The following MERTK variants were observed in gnomAD, a reference collection of about 807,000 sequenced individuals.
MERTK encodes MER proto-oncogene, tyrosine kinase, also known as tyrosine-protein kinase Mer.
A neutral mutation model predicts 99.3 loss-of-function variants in MERTK; 69 were observed. The ratio of observed to expected loss-of-function variants is 0.70; its 90% CI spans 0.57 to 0.85. MERTK has a LOEUF of 0.85. Among genes scored for constraint, MERTK ranks in the 40% least tolerant of loss-of-function variants. The probability of loss-of-function intolerance (pLI) is 0.00; values close to 1 mark genes in which losing one functional copy is unlikely to be tolerated. For missense variants in MERTK, 1,125 were observed against 1,249.4 expected, an observed-to-expected ratio of 0.90 and a Z score of 1.50; for synonymous variants, 426 against 467.6, an observed-to-expected ratio of 0.91 and a Z score of 1.15.
chr2:111,954,739 G>T (rs1464105556), intron 4 of MERTK, among the ~76,000 whole-genome samples: 1 of 152,104 alleles, frequency 6.6e-6, no homozygotes, highest in East Asian at 1.9e-4. Flanking sequence ...TGTCCATTCT[G>T]TAGACCCAAA....
intron 15 of MERTK, among the ~76,000 whole-genome samples, chr2:112,011,358 C>A (rs1030853168): frequency 1.3e-5 from 2 of 152,194 alleles, no homozygotes; most frequent in Non-Finnish European, 2.9e-5. Flanking sequence ...TCCCCTGTAT[C>A]TACAAACCTG....
intron 1 of MERTK, among the ~76,000 whole-genome samples, chr2:111,920,870 G>A (rs932404889): frequency 6.6e-6 from 1 of 152,046 alleles, no homozygotes; most frequent in Non-Finnish European, 1.5e-5. Context: ...TGGCCAGGCT[G>A]GTCTTGAACT....
chr2:111,985,598 C>A (rs1457505585), intron 8 of MERTK, among the ~76,000 whole-genome samples: 1 of 152,186 alleles, frequency 6.6e-6, no homozygotes, highest in East Asian at 1.9e-4. Flanking sequence ...AATGGACTCA[C>A]AGTTCCACAT....
intron 13 of MERTK, among the ~76,000 whole-genome samples, chr2:112,008,113 GT>G (rs1377941771): frequency 6.6e-6 from 1 of 152,038 alleles, no homozygotes; most frequent in Non-Finnish European, 1.5e-5. Flanking sequence ...AGCTCTGTGG[GT>G]TTTGACAAAT....
intron 13 of MERTK, among the ~76,000 whole-genome samples, chr2:112,004,915 G>A (rs1287049533): frequency 6.6e-6 from 1 of 151,980 alleles, no homozygotes; most frequent in Non-Finnish European, 1.5e-5. Flanking sequence ...AAAAAAAAGA[G>A]TCTTAGCCAA....
At chr2:111,974,251 A>T (rs1489746677) in intron 6 of MERTK, among the ~76,000 whole-genome samples, 1 of 148,866 alleles carries the variant, frequency 6.7e-6, no homozygotes, top group East Asian at 2.0e-4. Context: ...AAAAAAAAAA[A>T]AGTTAGCCAG....
chr2:111,943,799 T>G (rs1684906654), intron 2 of MERTK, among the ~76,000 whole-genome samples: 3 of 152,162 alleles, frequency 2.0e-5, no homozygotes, highest in Non-Finnish European at 2.9e-5. Context: ...AGGTGAATAT[T>G]GAAACCATAC....
intron 7 of MERTK, among the ~76,000 whole-genome samples, chr2:111,976,401 G>C (rs79798002): frequency 2.0e-5 from 3 of 151,986 alleles, no homozygotes; most frequent in African/African-American, 7.3e-5. Context: ...AAAGGAGGGC[G>C]GGAAGAGGTC....
At chr2:111,962,528 A>T (rs2104719433) in intron 4 of MERTK, among the ~76,000 whole-genome samples, 1 of 152,192 alleles carries the variant, frequency 6.6e-6, no homozygotes, top group African/African-American at 2.4e-5. Flanking sequence ...AAATTTTAGG[A>T]TTGTTTTAGA....
chr2:112,017,895 G>T (rs1677251077), intron 15 of MERTK, among the ~76,000 whole-genome samples: 1 of 152,182 alleles, frequency 6.6e-6, no homozygotes, highest in East Asian at 1.9e-4. Context: ...GACTTCACCA[G>T]CATGTAATAC....
At chr2:111,937,695 A>G (rs1684788414) in intron 2 of MERTK, among the ~76,000 whole-genome samples, 2 of 151,704 alleles carry the variant, frequency 1.3e-5, no homozygotes, top group Non-Finnish European at 2.9e-5. Context: ...TAAAAATCTA[A>G]TTTCTTTAAC....
chr2:112,004,009 T>C (rs762878076), intron 13 of MERTK, 25 bp downstream of exon 13: 144 of 1,584,860 alleles, frequency 9.1e-5, no homozygotes, highest in Non-Finnish European at 1.2e-4. Flanking sequence ...ATGAATCCCA[T>C]TCTTCTAGGG....
At chr2:111,923,599 G>A (rs1478155851) in intron 1 of MERTK, among the ~76,000 whole-genome samples, 1 of 152,206 alleles carries the variant, frequency 6.6e-6, no homozygotes, top group Non-Finnish European at 1.5e-5. Flanking sequence ...GTCCACATGA[G>A]GAAGCAATCC....
chr2:111,925,292 A>ATATATATATATT (rs372747015), intron 1 of MERTK, among the ~76,000 whole-genome samples: 8 of 24,496 alleles, frequency 3.3e-4, no homozygotes, highest in Non-Finnish European at 5.1e-4. Flanking sequence ...ATATATATAT[A>ATATATATATATT]TTTTTTTTTT....
intron 2 of MERTK, 60 bp from the exon 3 acceptor site, chr2:111,944,900 C>A: frequency 7.2e-7 from 1 of 1,385,880 alleles, no homozygotes; most frequent in Non-Finnish European, 1.0e-6. Flanking sequence ...AAGTTTCCAT[C>A]CTATAATAGG....
At chr2:111,916,636 G>A (rs1317169364) in intron 1 of MERTK, among the ~76,000 whole-genome samples, 1 of 151,978 alleles carries the variant, frequency 6.6e-6, no homozygotes, top group Non-Finnish European at 1.5e-5. Context: ...TTTCAAGCAT[G>A]TTCATAATTG....
intron 1 of MERTK, among the ~76,000 whole-genome samples, chr2:111,910,690 A>G (rs1573563256): frequency 6.6e-6 from 1 of 152,038 alleles, no homozygotes; most frequent in South Asian, 2.1e-4. Flanking sequence ...TGGTAGCAAC[A>G]TGGATGGAAC....
chr2:112,005,521 CCTT>C (rs1434045872), intron 13 of MERTK, among the ~76,000 whole-genome samples: 1 of 152,174 alleles, frequency 6.6e-6, no homozygotes, highest in Admixed American at 6.5e-5. Context: ...CTCTCCATGT[CCTT>C]CTTCCAGGAA....
intron 10 of MERTK, among the ~76,000 whole-genome samples, chr2:112,000,010 G>T (rs908255454): frequency 6.6e-6 from 1 of 152,136 alleles, no homozygotes; most frequent in Non-Finnish European, 1.5e-5. Flanking sequence ...CATTCGCAAG[G>T]GTGGGGGAAT....
Sources: allele counts gnomAD v4.1 joint callset (sites outside exome capture counted in the v4.1 genomes callset), GRCh38; gene constraint gnomAD v4.1.1; transcripts MANE v1.5; gene names NCBI Gene and HGNC (gene_info 2026-07-23, HGNC 2026-07-21).